Variants in PDE4D observed in about 807,000 individuals in gnomAD.
PDE4D encodes 3',5'-cyclic-AMP phosphodiesterase 4D.
In PDE4D, 24 loss-of-function variants were observed where a neutral mutation model predicts 87.4. The observed-to-expected ratio is 0.27, with a 90% confidence interval of 0.20 to 0.39. The LOEUF is 0.39. PDE4D is among the 10% of genes least tolerant of loss of function. The pLI is 1.00. For synonymous variants in PDE4D, 384 were observed against 383.2 expected (o/e 1.00, Z -0.02); for missense variants, 714 against 1,041.0 (o/e 0.69, Z 4.32).
At chr5:59,762,019 C>A (rs1762027718) in intron 1 of PDE4D, among the ~76,000 whole-genome samples, 2 of 151,960 alleles carry the variant, frequency 1.3e-5, no homozygotes, top group Admixed American at 6.6e-5. Flanking sequence ...TATTATGGGA[C>A]CACCATCAAA....
At chr5:60,281,000 G>C (rs977671087) in intron 1 of PDE4D, among the ~76,000 whole-genome samples, 5 of 152,174 alleles carry the variant, frequency 3.3e-5, no homozygotes, top group Admixed American at 6.5e-5. Flanking sequence ...TGACAAGGAC[G>C]TTTCAATCAT....
chr5:59,760,113 T>TG (rs1329253578), intron 1 of PDE4D, among the ~76,000 whole-genome samples: 1 of 152,194 alleles, frequency 6.6e-6, no homozygotes, highest in Non-Finnish European at 1.5e-5. Flanking sequence ...TTCTATGACT[T>TG]GCAAATTTAT....
chr5:59,359,893 C>T lies in PDE4D; in HGVS notation c.456-143925G>A, dbSNP rs143057904. ...TATATGTCCTAGGGAAAACCAGATT[C>T]GGAAATCTAAACATTGCTCCAATCC... is the stretch of plus-strand genomic sequence containing the variant. On this transcript the variant is annotated intron_variant, in intron 1 of 14. Coordinates refer to ENST00000340635, the MANE Select transcript of PDE4D (RefSeq NM_001104631.2). 3.0e-3 allele frequency among the ~76,000 whole-genome samples: 460 copies of T among 152,242 alleles called. 3 individuals are homozygous for T. Among genetic ancestry groups the T allele is most frequent in the African/African-American group, 0.011 (439 of 41,546 alleles).
intron 1 of PDE4D, among the ~76,000 whole-genome samples, chr5:59,533,773 T>G (rs1362038378): frequency 6.6e-6 from 1 of 152,218 alleles, no homozygotes; most frequent in East Asian, 1.9e-4. Context: ...CCTGGTAATG[T>G]GTGGCTTATT....
chr5:59,544,907 G>T (rs1051099310), intron 1 of PDE4D, among the ~76,000 whole-genome samples: 2 of 151,992 alleles, frequency 1.3e-5, no homozygotes, highest in Admixed American at 6.6e-5. Flanking sequence ...TTTTTGATAC[G>T]AACTGCTTTA....
At chr5:59,700,183 T>C (rs1419572128) in intron 1 of PDE4D, among the ~76,000 whole-genome samples, 1 of 152,222 alleles carries the variant, frequency 6.6e-6, no homozygotes, top group Non-Finnish European at 1.5e-5. Flanking sequence ...CAGGGCTGTG[T>C]GATTACAGTC....
At chr5:60,011,651 T>C (rs1029953871) in intron 2 of PDE4D, among the ~76,000 whole-genome samples, 1 of 152,146 alleles carries the variant, frequency 6.6e-6, no homozygotes. Flanking sequence ...TTGTACCACA[T>C]GGCAGTTTAG....
chr5:59,925,461 A>G (rs1442013536), intron 3 of PDE4D, among the ~76,000 whole-genome samples: 2 of 152,172 alleles, frequency 1.3e-5, no homozygotes, highest in East Asian at 3.8e-4. Context: ...GGAAAGAAGA[A>G]AGAAGAAAAC....
intron 5 of PDE4D, among the ~76,000 whole-genome samples, chr5:59,096,191 G>A (rs2153431109): frequency 6.6e-6 from 1 of 152,072 alleles, no homozygotes; most frequent in East Asian, 1.9e-4. Flanking sequence ...GCAGAGCAAT[G>A]GTTTTTTTAA....
At chr5:60,441,468 T>C (rs943761371) in intron 1 of PDE4D, among the ~76,000 whole-genome samples, 8 of 152,102 alleles carry the variant, frequency 5.3e-5, no homozygotes, top group Non-Finnish European at 7.4e-5. Flanking sequence ...ACGTAAGACC[T>C]AAAACCATAA....
upstream of PDE4D, chr5:60,490,780 A>G (rs1478763754): frequency 6.6e-6 from 1 of 152,220 alleles, no homozygotes; most frequent in Non-Finnish European, 1.5e-5. Flanking sequence ...AGGAAACTGA[A>G]CCTTTTTCTG....
At chr5:59,008,134 G>A (rs948811298) in intron 6 of PDE4D, among the ~76,000 whole-genome samples, 3 of 151,948 alleles carry the variant, frequency 2.0e-5, no homozygotes, top group Non-Finnish European at 4.4e-5. Flanking sequence ...TTGTTTCACT[G>A]AAGAATAATC....
At chr5:60,108,557 T>TC (rs1485826258) in intron 2 of PDE4D, among the ~76,000 whole-genome samples, 1 of 152,142 alleles carries the variant, frequency 6.6e-6, no homozygotes, top group Non-Finnish European at 1.5e-5. Context: ...GCCAAATGAA[T>TC]CCTAAGCCAA....
rs933916686 is a variant in PDE4D at position 59,893,447 on chromosome 5, G to A, written c.176C>T (p.Pro59Leu). The A allele has an allele frequency of 4.6e-6, 7 of 1,515,240 alleles. No homozygotes were observed. Among genetic ancestry groups the A allele is most frequent in the Non-Finnish European group, 5.3e-6 (6 of 1,129,662 alleles). 93.9% of individuals were successfully genotyped at this position (1,515,240 alleles called of 1,614,324 possible). ...RLLHPHHHLP[P>L]PPPPSPQPQP... ...GGGCTGGGGCGAGGGTGGCGGCGGC[G>A]GGGGCAGGTGGTGATGGGGATGCAG... Residue 59 changes from proline (P) to leucine (L), a missense_variant, in exon 1 of 15, where the codon CCG becomes CTG. This residue lies in a region of PDE4D where 268 missense variants were observed against 272.9 expected (regional missense o/e 0.98). Transcript: ENST00000340635.
At chr5:59,816,169 A>T (rs1768951820) in intron 1 of PDE4D, among the ~76,000 whole-genome samples, 1 of 152,222 alleles carries the variant, frequency 6.6e-6, no homozygotes, top group Non-Finnish European at 1.5e-5. Context: ...TATGTTAGGC[A>T]TTGTCTTAGG....
intron 1 of PDE4D, among the ~76,000 whole-genome samples, chr5:59,467,936 C>A (rs1032249562): frequency 2.0e-5 from 3 of 151,676 alleles, no homozygotes; most frequent in Non-Finnish European, 2.9e-5. Flanking sequence ...TAGCTATACA[C>A]ATGAAATTAA....
Position 59,503,767 on chromosome 5 carries a change from T to C in PDE4D, c.456-287799A>G, listed in dbSNP as rs79027593. Among the ~76,000 whole-genome samples, 512 of 152,294 alleles carry C rather than the reference T, an allele frequency of 3.4e-3. 1 individual carries two copies. Among genetic ancestry groups the C allele is most frequent in the African/African-American group, 0.012 (496 of 41,572 alleles). On this transcript the variant is annotated intron_variant, in intron 1 of 14. Coordinates refer to ENST00000340635, the MANE Select transcript of PDE4D (RefSeq NM_001104631.2). ...AGCCCACCTGAAATAGAAGGTGGTT[T>C]ACTTTCTTGATATGAACAAAGGCTA... is the stretch of plus-strand genomic sequence containing the variant.
chr5:60,088,240 A>G (rs1313757107), intron 2 of PDE4D, among the ~76,000 whole-genome samples: 3 of 152,040 alleles, frequency 2.0e-5, no homozygotes, highest in Non-Finnish European at 4.4e-5. Context: ...CACTTCGCCT[A>G]CAAAAAATGC....
chr5:59,125,118 T>G (rs745742189), intron 5 of PDE4D: 20 of 196,224 alleles, frequency 1.0e-4, no homozygotes, highest in Non-Finnish European at 7.4e-5. Context: ...AAAACCACAG[T>G]GCTCTCAATG....
Sources: allele counts gnomAD v4.1 joint callset (sites outside exome capture counted in the v4.1 genomes callset), GRCh38; gene constraint gnomAD v4.1.1; regional missense constraint gnomAD v4.1.1; transcripts MANE v1.5; gene names NCBI Gene and HGNC (gene_info 2026-07-23, HGNC 2026-07-21).